Variants in PHKB observed in about 807,000 individuals in gnomAD.
PHKB encodes phosphorylase b kinase regulatory subunit beta.
A neutral mutation model predicts 152.1 loss-of-function variants in PHKB; 122 were observed. The observed-to-expected ratio is 0.80, with a 90% CI of 0.69 to 0.93. The LOEUF (loss-of-function observed/expected upper bound fraction) is 0.93, where lower values mean the gene tolerates loss of function less well. Ranked by LOEUF, PHKB falls within the 40% of genes least tolerant of loss-of-function variation. The pLI, the probability that PHKB is intolerant of heterozygous loss-of-function variation, is 0.00. For synonymous variants in PHKB, 436 were observed against 464.9 expected (o/e 0.94, Z 0.80); for missense variants, 1,304 against 1,328.4 (o/e 0.98, Z 0.29).
chr16:47,571,474 G>A (rs540929090), intron 7 of PHKB, among the ~76,000 whole-genome samples: 120 of 152,162 alleles, frequency 7.9e-4, no homozygotes, highest in African/African-American at 2.4e-3. Context: ...CCTCCCTGTC[G>A]TTCCCCCTCA....
chr16:47,593,684 T>A, intron 11 of PHKB, 127 bp downstream of exon 11: 1 of 690,486 alleles, frequency 1.4e-6, no homozygotes, highest in Non-Finnish European at 2.7e-6. Context: ...AGACTGCGCT[T>A]CAGTGATGTT....
chr16:47,683,951 T>G (rs1360429352), intron 26 of PHKB, among the ~76,000 whole-genome samples: 2 of 152,200 alleles, frequency 1.3e-5, no homozygotes, highest in African/African-American at 4.8e-5. Flanking sequence ...GATCCTTGTC[T>G]TATCTTGAAA....
At chr16:47,527,346 A>G (rs1211830394) in intron 6 of PHKB, among the ~76,000 whole-genome samples, 1 of 152,182 alleles carries the variant, frequency 6.6e-6, no homozygotes, top group East Asian at 1.9e-4. Flanking sequence ...GAATAATGGT[A>G]TCAAATATAA....
chr16:47,485,238 T>A (rs952213309), intron 1 of PHKB, among the ~76,000 whole-genome samples: 5 of 152,216 alleles, frequency 3.3e-5, no homozygotes, highest in Admixed American at 3.3e-4. Context: ...TATTTTAAAT[T>A]TCGGTGTATG....
At chr16:47,602,981 C>T (rs1972259576) in intron 13 of PHKB, among the ~76,000 whole-genome samples, 1 of 152,166 alleles carries the variant, frequency 6.6e-6, no homozygotes, top group Admixed American at 6.5e-5. Context: ...CAAACCACTT[C>T]CTAATTCCAG....
intron 16 of PHKB, among the ~76,000 whole-genome samples, chr16:47,644,907 A>C (rs1243880411): frequency 2.0e-5 from 3 of 152,222 alleles, no homozygotes; most frequent in Non-Finnish European, 4.4e-5. Context: ...GAAATACCAC[A>C]TGTTGAAATG....
At chr16:47,540,809 T>G (rs1234943863) in intron 6 of PHKB, among the ~76,000 whole-genome samples, 9 of 147,978 alleles carry the variant, frequency 6.1e-5, no homozygotes, top group Non-Finnish European at 8.9e-5. Context: ...GTATCTAATC[T>G]AAATGTCCTG....
rs1245131391 is a variant in PHKB, at chr16:47,629,322, G to T, written c.1459-11713G>T. ...AATCTACAATGAACTCAAACAAATTGACAAGAAAAAAACAAACAACCCCAT... is the reference window on the plus strand; with the variant it reads ...AATCTACAATGAACTCAAACAAATTTACAAGAAAAAAACAAACAACCCCAT... On this transcript the variant is annotated intron_variant, in intron 14 of 30. Transcript: ENST00000323584. Among the ~76,000 whole-genome samples, 35 of 151,642 alleles carry T rather than the reference G, an allele frequency of 2.3e-4. 1 individual carries two copies. Among genetic ancestry groups the T allele is most frequent in the South Asian group, 4.2e-4 (2 of 4,800 alleles).
chr16:47,544,281 C>G (rs963777509), intron 6 of PHKB, among the ~76,000 whole-genome samples: 1 of 152,054 alleles, frequency 6.6e-6, no homozygotes, highest in East Asian at 1.9e-4. Context: ...GATTCTGTTA[C>G]GTTGTGTCTT....
In PHKB at chr16:47,464,011, C is replaced by G. The variant is rs1438435525; in HGVS notation, c.76+2585C>G. 7 of 1,426,034 alleles carry G rather than the reference C, an allele frequency of 4.9e-6. No homozygotes were observed. The highest frequency in any genetic ancestry group is 3.3e-5 in the Admixed American group (2 of 59,784). 88.3% of individuals were successfully genotyped at this position (1,426,034 alleles called of 1,614,324 possible). A position where few individuals can be genotyped will look rare whatever the true frequency, so the allele number is the denominator to read the frequency against. On this transcript the variant is annotated intron_variant, in intron 1 of 30. Transcript: ENST00000323584. ...AAGGTCTGGTAAGTGTTGTAGACCCCAAAAGGGTCACTTGGTAATTTTAAA... is the reference window on the plus strand; with the variant it reads ...AAGGTCTGGTAAGTGTTGTAGACCCGAAAAGGGTCACTTGGTAATTTTAAA...
chr16:47,483,313 A>G (rs1385087730), intron 1 of PHKB, among the ~76,000 whole-genome samples: 1 of 151,976 alleles, frequency 6.6e-6, no homozygotes, highest in Non-Finnish European at 1.5e-5. Flanking sequence ...CTCCCAAAGT[A>G]CTGGTATTAT....
Position 47,649,186 on chromosome 16 carries a change from G to T in PHKB, c.1779G>T (p.Leu593=), listed in dbSNP as rs752473353. Residue 593 remains leucine, a synonymous_variant, in exon 18 of 31, where the codon CTG becomes CTT. Coordinates refer to ENST00000323584, the MANE Select transcript of PHKB (RefSeq NM_000293.3). ...SDFYMSQDVF[L]LIDDIKNALQ... ...TCTACATGTCTCAGGATGTTTTCCT[G>T]CTGATAGATGACATAAAGGTAGCTT... The T allele has an allele frequency of 9.4e-6, 15 of 1,587,894 alleles. No homozygotes were observed. In the African/African-American group the frequency reaches 1.7e-4, roughly 19 times the overall value.
chr16:47,655,641 T>C (rs916902485), intron 20 of PHKB, among the ~76,000 whole-genome samples: 3 of 152,224 alleles, frequency 2.0e-5, no homozygotes, highest in East Asian at 3.8e-4. Flanking sequence ...CAGAATGATA[T>C]CCTTTTTAAT....
At chr16:47,528,654 A>G (rs1291533168) in intron 6 of PHKB, among the ~76,000 whole-genome samples, 1 of 152,012 alleles carries the variant, frequency 6.6e-6, no homozygotes, top group Non-Finnish European at 1.5e-5. Context: ...CAAATAAAAG[A>G]AAACCCATCG....
chr16:47,507,748 A>T (rs777237036), intron 4 of PHKB, among the ~76,000 whole-genome samples: 4 of 152,312 alleles, frequency 2.6e-5, no homozygotes, highest in Middle Eastern at 3.4e-3. Context: ...TAAATATGAA[A>T]TGTAAGGAGT....
At chr16:47,602,880 T>G (rs987693235) in intron 13 of PHKB, among the ~76,000 whole-genome samples, 8 of 152,190 alleles carry the variant, frequency 5.3e-5, no homozygotes, top group African/African-American at 1.7e-4. Context: ...TGATAGTGAC[T>G]ATGGATATCC....
intron 1 of PHKB, among the ~76,000 whole-genome samples, chr16:47,473,936 A>G (rs963703712): frequency 6.6e-6 from 1 of 152,158 alleles, no homozygotes; most frequent in Non-Finnish European, 1.5e-5. Context: ...GATTATAGCC[A>G]CCATTCTGTA....
At chr16:47,644,906 CAT>C (rs2151728196) in intron 16 of PHKB, among the ~76,000 whole-genome samples, 1 of 152,274 alleles carries the variant, frequency 6.6e-6, no homozygotes, top group Admixed American at 6.5e-5. Context: ...TGAAATACCA[CAT>C]GTTGAAATGA....
intron 8 of PHKB, among the ~76,000 whole-genome samples, chr16:47,581,379 A>G (rs534435441): frequency 1.2e-4 from 19 of 152,290 alleles, no homozygotes; most frequent in Admixed American, 7.2e-4. Context: ...ACCCATTTTC[A>G]TATTCCTGGA....
Sources: gnomAD v4.1 joint callset for allele counts (sites outside exome capture counted in the v4.1 genomes callset) on GRCh38, gnomAD v4.1.1 for gene constraint, MANE v1.5 for transcripts, NCBI Gene and HGNC (gene_info 2026-07-23, HGNC 2026-07-21) for gene names.